The following LRP1B variants were observed in gnomAD, a reference collection of about 807,000 sequenced individuals.
LRP1B encodes low-density lipoprotein receptor-related protein 1B.
LRP1B carries 217 observed loss-of-function variants against 556.6 expected under a neutral mutation model. That is an observed-to-expected ratio of 0.39 (90% CI 0.35 to 0.44). LRP1B has a LOEUF of 0.44. Among genes scored for constraint, LRP1B ranks in the 20% least tolerant of loss-of-function variants. The pLI is 1.00. For synonymous variants in LRP1B, 2,047 were observed against 1,865.8 expected, an observed-to-expected ratio of 1.10 and a Z score of -2.50; for missense variants, 5,053 against 5,620.8, an observed-to-expected ratio of 0.90 and a Z score of 3.23.
At chr2:142,106,427 G>A (rs1361087088) in intron 1 of LRP1B, among the ~76,000 whole-genome samples, 2 of 151,970 alleles carry the variant, frequency 1.3e-5, no homozygotes, top group Non-Finnish European at 2.9e-5. Flanking sequence ...GTTACATTTT[G>A]CAGATACAAA....
chr2:140,874,591 G>GT (rs1693245089), intron 25 of LRP1B, among the ~76,000 whole-genome samples: 1 of 151,032 alleles, frequency 6.6e-6, no homozygotes, highest in Admixed American at 6.6e-5. Context: ...TTAAGTTTTG[G>GT]TTTGCTTAGG....
chr2:141,224,518 A>C (rs1683170413), intron 6 of LRP1B, among the ~76,000 whole-genome samples: 3 of 152,208 alleles, frequency 2.0e-5, no homozygotes, highest in Non-Finnish European at 2.9e-5. Flanking sequence ...TTCTATTGTA[A>C]AGATAGATGC....
At chr2:141,462,128 C>A (rs1681899369) in intron 3 of LRP1B, among the ~76,000 whole-genome samples, 1 of 152,158 alleles carries the variant, frequency 6.6e-6, no homozygotes, top group Non-Finnish European at 1.5e-5. Flanking sequence ...CTCAGACATA[C>A]AATGTGTTGT....
chr2:140,318,008 A>G (rs557778431), intron 82 of LRP1B, among the ~76,000 whole-genome samples: 1 of 152,056 alleles, frequency 6.6e-6, no homozygotes, highest in South Asian at 2.1e-4. Flanking sequence ...AACTATAGGA[A>G]AAAGCAGGTG....
chr2:141,075,501 A>G (rs909694400), intron 7 of LRP1B, among the ~76,000 whole-genome samples: 5 of 152,086 alleles, frequency 3.3e-5, no homozygotes, highest in Admixed American at 6.5e-5. Flanking sequence ...CTATTTTAGC[A>G]TTCCTTCAGG....
At chr2:141,318,461 A>G (rs1489332945) in intron 3 of LRP1B, among the ~76,000 whole-genome samples, 1 of 152,196 alleles carries the variant, frequency 6.6e-6, no homozygotes, top group Non-Finnish European at 1.5e-5. Flanking sequence ...TTTTTAATAG[A>G]AAGTGGAGGA....
intron 3 of LRP1B, among the ~76,000 whole-genome samples, chr2:141,374,998 T>C (rs140228000): frequency 4.3e-4 from 65 of 152,314 alleles, no homozygotes; most frequent in African/African-American, 1.5e-3. Flanking sequence ...AGCAGTCATT[T>C]GTTCCTATTT....
At chr2:141,254,436 T>G in intron 4 of LRP1B, 86 bp downstream of exon 4, 1 of 1,354,054 alleles carries the variant, frequency 7.4e-7, no homozygotes. Context: ...GTAGAGCACA[T>G]GGTAGGTGCT....
intron 3 of LRP1B, among the ~76,000 whole-genome samples, chr2:141,469,855 T>C (rs936512769): frequency 1.3e-5 from 2 of 152,178 alleles, no homozygotes; most frequent in Non-Finnish European, 2.9e-5. Context: ...CATAGTCAAC[T>C]GTCATCTGAA....
intron 1 of LRP1B, among the ~76,000 whole-genome samples, chr2:142,017,114 C>T (rs866625872): frequency 3.3e-5 from 5 of 151,610 alleles, no homozygotes; most frequent in Admixed American, 6.6e-5. Flanking sequence ...GAGAAAAATA[C>T]TGATACTTGA....
At chr2:140,564,420 C>G (rs1233927782) in intron 43 of LRP1B, among the ~76,000 whole-genome samples, 1 of 152,048 alleles carries the variant, frequency 6.6e-6, no homozygotes, top group African/African-American at 2.4e-5. Flanking sequence ...TCAAATATAT[C>G]ATATAAGTGT....
chr2:140,795,780 G>A (rs193292494), intron 32 of LRP1B, among the ~76,000 whole-genome samples: 17 of 152,126 alleles, frequency 1.1e-4, no homozygotes, highest in Admixed American at 4.6e-4. Context: ...AATTAAACTC[G>A]CCAGATGAGG....
At chr2:140,926,464 C>T (rs562421249) in intron 20 of LRP1B, among the ~76,000 whole-genome samples, 28 of 152,150 alleles carry the variant, frequency 1.8e-4, no homozygotes, top group African/African-American at 6.3e-4. Flanking sequence ...ACCTCAGCCT[C>T]TCAAGTAGCT....
At chr2:140,678,058 C>A (rs1434036587) in intron 41 of LRP1B, among the ~76,000 whole-genome samples, 12 of 152,184 alleles carry the variant, frequency 7.9e-5, no homozygotes, top group Admixed American at 5.2e-4. Context: ...TAGTAAAAAG[C>A]AGAGCCACAA....
chr2:141,080,389 T>C (rs76153321), intron 7 of LRP1B, among the ~76,000 whole-genome samples: 7,213 of 152,270 alleles, frequency 0.047, 259 homozygotes, highest in Non-Finnish European at 0.069. Context: ...ATCCTCATAG[T>C]TTTGGTTCCA....
At chr2:140,830,549 C>A (rs1691680141) in intron 31 of LRP1B, among the ~76,000 whole-genome samples, 1 of 151,982 alleles carries the variant, frequency 6.6e-6, no homozygotes, top group Non-Finnish European at 1.5e-5. Flanking sequence ...AATTCAACAT[C>A]CCTTTATGAT....
At chr2:142,085,001 T>C (rs546220309) in intron 1 of LRP1B, among the ~76,000 whole-genome samples, 1 of 152,318 alleles carries the variant, frequency 6.6e-6, no homozygotes, top group East Asian at 1.9e-4. Flanking sequence ...GTTTATAGAA[T>C]AAAGTCCAAG....
intron 15 of LRP1B, among the ~76,000 whole-genome samples, chr2:141,001,964 CTAAGA>C (rs1362631877): frequency 6.6e-6 from 1 of 152,178 alleles, no homozygotes; most frequent in African/African-American, 2.4e-5. Flanking sequence ...CTCCCAGTAA[CTAAGA>C]TAAGATTCAG....
intron 1 of LRP1B, among the ~76,000 whole-genome samples, chr2:141,849,841 T>C (rs969045649): frequency 2.6e-5 from 4 of 151,698 alleles, no homozygotes; most frequent in African/African-American, 7.2e-5. Context: ...ATCTAGGATG[T>C]ATATACCATT....
Sources: gnomAD v4.1 joint callset for allele counts (sites outside exome capture counted in the v4.1 genomes callset) on GRCh38, gnomAD v4.1.1 for gene constraint, MANE v1.5 for transcripts, NCBI Gene and HGNC (gene_info 2026-07-23, HGNC 2026-07-21) for gene names.